Variants in ASIC2 observed in about 807,000 individuals in gnomAD.
ASIC2 encodes acid-sensing ion channel 2.
A neutral mutation model predicts 57.3 loss-of-function variants in ASIC2; 25 were observed. The observed-to-expected ratio is 0.44, with a 90% CI of 0.32 to 0.61. The LOEUF (loss-of-function observed/expected upper bound fraction) is 0.61, where lower values mean the gene tolerates loss of function less well. Among genes scored for constraint, ASIC2 ranks in the 20% least tolerant of loss-of-function variants. The probability of loss-of-function intolerance (pLI) is 0.06; values close to 1 mark genes in which losing one functional copy is unlikely to be tolerated. For synonymous variants in ASIC2, 319 were observed against 307.5 expected, an observed-to-expected ratio of 1.04 and a Z score of -0.39; for missense variants, 641 against 738.1, an observed-to-expected ratio of 0.87 and a Z score of 1.52.
At chr17:33,799,661 C>T (rs1912072456) in intron 1 of ASIC2, among the ~76,000 whole-genome samples, 1 of 151,546 alleles carries the variant, frequency 6.6e-6, no homozygotes, top group Non-Finnish European at 1.5e-5. Flanking sequence ...GTAGTTGCTT[C>T]TTGGACTAAA....
Position 33,517,897 on chromosome 17 carries a change from C to T in ASIC2, c.556-405830G>A, listed in dbSNP as rs115758250. Among the ~76,000 whole-genome samples, 1,098 of 152,268 alleles carry T rather than the reference C, an allele frequency of 7.2e-3. 13 individuals are homozygous for T. The highest frequency in any genetic ancestry group is 0.025 in the African/African-American group (1,051 of 41,542). ...AATAATCACTTCCTTCATAGGTCGCCTAGACCAAGCCTGTTGCAATGTGGG... is the reference window on the plus strand; with the variant it reads ...AATAATCACTTCCTTCATAGGTCGCTTAGACCAAGCCTGTTGCAATGTGGG... On this transcript the variant is annotated intron_variant, in intron 1 of 9. Transcript: ENST00000359872.
At chr17:34,085,812 T>C (rs1910092185) in intron 1 of ASIC2, among the ~76,000 whole-genome samples, 2 of 152,116 alleles carry the variant, frequency 1.3e-5, no homozygotes, top group Admixed American at 6.5e-5. Context: ...CTAGATTTTC[T>C]AGTTTATTTG....
chr17:33,054,282 C>G (rs2091989233), intron 3 of ASIC2, among the ~76,000 whole-genome samples: 1 of 152,240 alleles, frequency 6.6e-6, no homozygotes, highest in Middle Eastern at 3.4e-3. Context: ...TACTCTTTCC[C>G]AGGGCTGGCC....
intron 1 of ASIC2, among the ~76,000 whole-genome samples, chr17:33,525,196 G>C (rs1444787961): frequency 6.6e-6 from 1 of 152,166 alleles, no homozygotes; most frequent in African/African-American, 2.4e-5. Flanking sequence ...TGGCTGAGTT[G>C]TGTGCCTACA....
At chr17:33,282,046 T>A (rs1225510367) in intron 1 of ASIC2, among the ~76,000 whole-genome samples, 1 of 152,236 alleles carries the variant, frequency 6.6e-6, no homozygotes, top group African/African-American at 2.4e-5. Context: ...TTACAAATTC[T>A]TTCATTTTTT....
intron 1 of ASIC2, among the ~76,000 whole-genome samples, chr17:33,978,731 C>A (rs74322812): frequency 6.6e-6 from 1 of 152,310 alleles, no homozygotes; most frequent in East Asian, 1.9e-4. Context: ...CTACTGTCTG[C>A]AGATGCCTCC....
chr17:33,452,482 C>T (rs1220846078), intron 1 of ASIC2, among the ~76,000 whole-genome samples: 6 of 152,206 alleles, frequency 3.9e-5, no homozygotes, highest in African/African-American at 1.4e-4. Flanking sequence ...AAAAGGGAAG[C>T]TTATTATCAC....
intron 1 of ASIC2, among the ~76,000 whole-genome samples, chr17:33,328,602 A>G (rs1297304087): frequency 6.6e-6 from 1 of 152,088 alleles, no homozygotes; most frequent in Admixed American, 6.6e-5. Context: ...TACATGCGAT[A>G]CTTGCTTTCT....
At chr17:33,777,685 T>C (rs1230961522) in intron 1 of ASIC2, among the ~76,000 whole-genome samples, 1 of 152,204 alleles carries the variant, frequency 6.6e-6, no homozygotes, top group Non-Finnish European at 1.5e-5. Flanking sequence ...TGGCTTCCTA[T>C]CTTTGACTAG....
At chr17:33,364,342 G>A (rs1296968847) in intron 1 of ASIC2, among the ~76,000 whole-genome samples, 2 of 152,068 alleles carry the variant, frequency 1.3e-5, no homozygotes, top group Non-Finnish European at 1.5e-5. Flanking sequence ...CCTTTTTGAA[G>A]ACTCAAAAAA....
At chr17:34,084,456 T>C (rs1181345756) in intron 1 of ASIC2, among the ~76,000 whole-genome samples, 4 of 152,224 alleles carry the variant, frequency 2.6e-5, no homozygotes, top group Non-Finnish European at 5.9e-5. Context: ...AGCCTTGTAG[T>C]ATAGTTTGAA....
chr17:33,964,267 G>T (rs1343839852), intron 1 of ASIC2, among the ~76,000 whole-genome samples: 2 of 152,150 alleles, frequency 1.3e-5, no homozygotes, highest in African/African-American at 4.8e-5. Flanking sequence ...CACACATACA[G>T]CAACCTGACC....
chr17:33,361,643 T>A (rs113165477), intron 1 of ASIC2, among the ~76,000 whole-genome samples: 2 of 152,300 alleles, frequency 1.3e-5, no homozygotes, highest in African/African-American at 4.8e-5. Context: ...CAGGATGATA[T>A]CCCCATTTTA....
At chr17:33,916,237 G>T (rs1915582168) in intron 1 of ASIC2, among the ~76,000 whole-genome samples, 1 of 152,146 alleles carries the variant, frequency 6.6e-6, no homozygotes, top group Non-Finnish European at 1.5e-5. Flanking sequence ...GTGCAGGGAT[G>T]GGCACATGAG....
chr17:33,861,859 G>T (rs4795833), intron 1 of ASIC2, among the ~76,000 whole-genome samples: 42,696 of 151,990 alleles, frequency 0.28, 6,207 homozygotes, highest in African/African-American at 0.31. Context: ...GACAATTCCC[G>T]CTTACTCAGT....
chr17:33,332,011 T>C (rs1484719191), intron 1 of ASIC2, among the ~76,000 whole-genome samples: 2 of 152,208 alleles, frequency 1.3e-5, no homozygotes, highest in Non-Finnish European at 2.9e-5. Flanking sequence ...CATAGAACAT[T>C]AGTGTTTTTT....
intron 1 of ASIC2, among the ~76,000 whole-genome samples, chr17:33,423,117 T>C (rs1911101642): frequency 6.6e-6 from 1 of 152,190 alleles, no homozygotes; most frequent in Non-Finnish European, 1.5e-5. Context: ...GATGTTGTGA[T>C]GCATGTTGGC....
At chr17:33,059,125 G>A (rs1394609945) in intron 3 of ASIC2, among the ~76,000 whole-genome samples, 1 of 151,988 alleles carries the variant, frequency 6.6e-6, no homozygotes, top group African/African-American at 2.4e-5. Flanking sequence ...CTGAAAAACT[G>A]TTTTGAAGTA....
intron 1 of ASIC2, among the ~76,000 whole-genome samples, chr17:33,142,976 C>A (rs2142019820): frequency 6.6e-6 from 1 of 152,260 alleles, no homozygotes; most frequent in South Asian, 2.1e-4. Flanking sequence ...GTTTCCCTAC[C>A]TTCTTCCACA....
Sources: allele counts gnomAD v4.1 joint callset (sites outside exome capture counted in the v4.1 genomes callset), GRCh38; gene constraint gnomAD v4.1.1; transcripts MANE v1.5; gene names NCBI Gene and HGNC (gene_info 2026-07-23, HGNC 2026-07-21).